Variants in COP1 observed in about 807,000 individuals in gnomAD.
COP1 encodes the protein E3 ubiquitin-protein ligase COP1.
Under a neutral mutation model 101.3 loss-of-function variants are expected in COP1, and 24 were observed. That is an observed-to-expected ratio of 0.24 (90% CI 0.17 to 0.33). The LOEUF (loss-of-function observed/expected upper bound fraction) is 0.33. Ranked by LOEUF, COP1 falls within the 10% of genes least tolerant of loss-of-function variation. The pLI is 1.00. For missense variants in COP1, 663 were observed against 906.2 expected (o/e 0.73, Z 3.45); for synonymous variants, 347 against 341.9 (o/e 1.01, Z -0.17).
intron 15 of COP1, among the ~76,000 whole-genome samples, chr1:175,991,918 C>CT (rs1658592575): frequency 6.6e-6 from 1 of 152,082 alleles, no homozygotes; most frequent in African/African-American, 2.4e-5. Context: ...CCTGAAGGGC[C>CT]TGCCTGAGGC....
At chr1:176,047,330 T>C (rs1449353837) in intron 11 of COP1, among the ~76,000 whole-genome samples, 1 of 152,188 alleles carries the variant, frequency 6.6e-6, no homozygotes, top group African/African-American at 2.4e-5. Flanking sequence ...ACCTGTGATA[T>C]ATGTATTATT....
intron 6 of COP1, among the ~76,000 whole-genome samples, chr1:176,144,139 T>C (rs1228059039): frequency 6.6e-6 from 1 of 152,078 alleles, no homozygotes; most frequent in Non-Finnish European, 1.5e-5. Flanking sequence ...AAATAAAAGA[T>C]ATAAGGATCA....
chr1:176,180,628 GATGTATATGGTTGTTTCTTCTACT>G (rs1271178332), intron 2 of COP1, among the ~76,000 whole-genome samples: 3 of 152,066 alleles, frequency 2.0e-5, no homozygotes, highest in Non-Finnish European at 4.4e-5. Context: ...TTTCTCTATA[GATGTATATGGTTGTTTCTTCTACT>G]ATGTATATAC....
chr1:176,087,146 C>T (rs1391050298), intron 9 of COP1, among the ~76,000 whole-genome samples: 2 of 152,080 alleles, frequency 1.3e-5, no homozygotes, highest in African/African-American at 2.4e-5. Flanking sequence ...GACCTAAAAC[C>T]ATAAAAACCT....
intron 8 of COP1, among the ~76,000 whole-genome samples, chr1:176,119,899 G>C (rs1054905636): frequency 2.4e-4 from 37 of 152,144 alleles, no homozygotes; most frequent in African/African-American, 8.7e-4. Context: ...CAGGCACTGA[G>C]AGATTATATA....
At chr1:176,059,087 G>A (rs1215518851) in intron 11 of COP1, among the ~76,000 whole-genome samples, 1 of 152,162 alleles carries the variant, frequency 6.6e-6, no homozygotes, top group African/African-American at 2.4e-5. Flanking sequence ...TCTCAGCTGT[G>A]CTCACACAAA....
chr1:176,120,185 T>C (rs941738826), intron 8 of COP1, among the ~76,000 whole-genome samples: 1 of 151,944 alleles, frequency 6.6e-6, no homozygotes, highest in South Asian at 2.1e-4. Flanking sequence ...GCTTAAGAAA[T>C]TGTGGCAGGC....
At chr1:176,169,681 TAG>T (rs1199837444) in intron 3 of COP1, among the ~76,000 whole-genome samples, 2 of 152,234 alleles carry the variant, frequency 1.3e-5, no homozygotes, top group African/African-American at 4.8e-5. Context: ...TTTTTGCTGG[TAG>T]AGAGTCTTGC....
At chr1:175,980,585 T>C (rs1405583646) in intron 18 of COP1, among the ~76,000 whole-genome samples, 1 of 152,162 alleles carries the variant, frequency 6.6e-6, no homozygotes. Context: ...TCTGTTATCC[T>C]GATCCCTGCC....
chr1:176,067,177 GATA>G (rs946833591), intron 11 of COP1, among the ~76,000 whole-genome samples: 8 of 152,158 alleles, frequency 5.3e-5, no homozygotes, highest in African/African-American at 1.9e-4. Context: ...GACTTTGGGT[GATA>G]ATAATGTGTC....
chr1:176,069,151 C>T lies in COP1; in HGVS notation c.1277+12001G>A, dbSNP rs146218527. Among the ~76,000 whole-genome samples, 1,174 of 151,714 alleles carry T rather than the reference C, an allele frequency of 7.7e-3. 7 individuals are homozygous for T. The highest frequency in any genetic ancestry group is 0.031 in the South Asian group (151 of 4,800). Reference sequence around the variant, plus strand: ...AGTAAATCAGGATTGCACGACTGCACTCCAGCCTGAGCAACAGGGTGAGAC... The same window carrying T: ...AGTAAATCAGGATTGCACGACTGCATTCCAGCCTGAGCAACAGGGTGAGAC... On this transcript the variant is annotated intron_variant, in intron 11 of 19. Transcript: ENST00000367669.
chr1:176,028,809 A>T (rs1024802844), intron 14 of COP1, among the ~76,000 whole-genome samples: 3 of 148,794 alleles, frequency 2.0e-5, no homozygotes, highest in African/African-American at 7.4e-5. Flanking sequence ...GCTGGAGTGC[A>T]GTGGCACAAT....
intron 9 of COP1, among the ~76,000 whole-genome samples, chr1:176,109,098 G>A (rs1684847350): frequency 6.6e-6 from 1 of 151,994 alleles, no homozygotes; most frequent in African/African-American, 2.4e-5. Context: ...GCGACAGAGT[G>A]AGACTCTGTC....
At chr1:176,111,450 T>C (rs1685275939) in intron 9 of COP1, among the ~76,000 whole-genome samples, 1 of 151,874 alleles carries the variant, frequency 6.6e-6, no homozygotes, top group Non-Finnish European at 1.5e-5. Flanking sequence ...CGCACCACCA[T>C]GCTCAGCTAA....
intron 15 of COP1, among the ~76,000 whole-genome samples, chr1:175,996,461 CCT>C (rs1415827081): frequency 6.6e-6 from 1 of 151,850 alleles, no homozygotes; most frequent in Non-Finnish European, 1.5e-5. Context: ...TCAAATTGTC[CCT>C]GTTTGCAGAT....
At chr1:175,984,010 G>T (rs1571393478) in intron 18 of COP1, among the ~76,000 whole-genome samples, 1 of 152,314 alleles carries the variant, frequency 6.6e-6, no homozygotes, top group East Asian at 1.9e-4. Flanking sequence ...CAAAAAATTT[G>T]CAGCCTGACA....
chr1:175,993,992 G>C (rs1659400419), intron 15 of COP1, among the ~76,000 whole-genome samples: 1 of 152,188 alleles, frequency 6.6e-6, no homozygotes, highest in South Asian at 2.1e-4. Context: ...GGCAGCCAGA[G>C]AGAAAGGTCG....
intron 18 of COP1, among the ~76,000 whole-genome samples, chr1:175,952,032 C>T (rs181790475): frequency 6.6e-6 from 1 of 152,204 alleles, no homozygotes; most frequent in African/African-American, 2.4e-5. Context: ...TGTAGAAATG[C>T]CAAAGAAACA....
intron 1 of COP1, among the ~76,000 whole-genome samples, chr1:176,201,390 A>C: frequency 6.6e-6 from 1 of 152,200 alleles, no homozygotes; most frequent in Non-Finnish European, 1.5e-5. Context: ...TAAAATATGA[A>C]AAAATCACCA....
Sources: allele counts gnomAD v4.1 joint callset (sites outside exome capture counted in the v4.1 genomes callset), GRCh38; gene constraint gnomAD v4.1.1; transcripts MANE v1.5; gene names NCBI Gene and HGNC (gene_info 2026-07-23, HGNC 2026-07-21).